CHRM5: variants seen among roughly 807,000 people sequenced by gnomAD.
CHRM5 encodes cholinergic receptor muscarinic 5.
A neutral mutation model predicts 39.0 loss-of-function variants in CHRM5; 18 were observed. The observed-to-expected ratio is 0.46, with a 90% CI of 0.32 to 0.68. CHRM5 has a LOEUF of 0.68. Ranked by LOEUF, CHRM5 falls within the 30% of genes least tolerant of loss-of-function variation. CHRM5 has a pLI of 0.04. For missense variants in CHRM5, 515 were observed against 651.1 expected, an observed-to-expected ratio of 0.79 and a Z score of 2.28; for synonymous variants, 241 against 246.3, an observed-to-expected ratio of 0.98 and a Z score of 0.20.
chr15:34,020,244 G>C (rs1898145177), intron 1 of CHRM5, among the ~76,000 whole-genome samples: 1 of 151,986 alleles, frequency 6.6e-6, no homozygotes, highest in Non-Finnish European at 1.5e-5. Flanking sequence ...CAGGGAGGCG[G>C]AGCTTGCAGT....
intron 1 of CHRM5, among the ~76,000 whole-genome samples, chr15:34,045,728 G>A (rs1899658324): frequency 2.4e-5 from 1 of 42,052 alleles, no homozygotes. Flanking sequence ...TTCAGAAAAC[G>A]AAGGCCTAAC....
In CHRM5 at chr15:34,039,201, C is replaced by G. The variant is rs571818226; in HGVS notation, c.-407-7339C>G. 33 of 615,302 alleles carry G rather than the reference C, an allele frequency of 5.4e-5. No homozygotes were observed. The South Asian group carries it at 2.1e-3, about 39-fold the overall frequency. The allele number at this position is 615,302 out of a possible 1,614,324, so 38.1% of individuals were successfully genotyped here. A position where few individuals can be genotyped will look rare whatever the true frequency, so the allele number is the denominator to read the frequency against. On this transcript the variant is annotated intron_variant, in intron 1 of 2. Coordinates refer to ENST00000383263, the MANE Select transcript of CHRM5 (RefSeq NM_012125.4). ...CGGGGCTAGGGATCGAGGCCGGCCG[C>G]AGCGGAGCGGGGCGGGGCGGGGCGG...
rs1446334582 is a variant in CHRM5, at chr15:34,067,099, A to C, written c.*2783A>C. The C allele has an allele frequency of 6.6e-6, 1 of 152,170 alleles. No individual in the cohort carries two copies. Among genetic ancestry groups the C allele is most frequent in the East Asian group, 1.9e-4 (1 of 5,188 alleles). The allele number at this position is 152,170 out of a possible 1,614,324, so 9.4% of individuals were successfully genotyped here. ...AGTCTTCCAGGCTTTGTCTATAGTA[A>C]ACCATGTATGACTTTGGCTAGTTAC... On this transcript the variant is annotated 3_prime_UTR_variant, in exon 3 of 3. Coordinates refer to ENST00000383263, the MANE Select transcript of CHRM5 (RefSeq NM_012125.4).
At chr15:34,059,024 G>A (rs1900250196) in intron 2 of CHRM5, among the ~76,000 whole-genome samples, 1 of 152,114 alleles carries the variant, frequency 6.6e-6, no homozygotes, top group Admixed American at 6.5e-5. Flanking sequence ...AACCTCCCAA[G>A]TAGCTAAGAT....
chr15:34,062,733 T>C lies in CHRM5; in HGVS notation c.16T>C (p.Tyr6His), dbSNP rs778712394. MEGDS[Y>H]HNATTVNGTP... The stretch of plus-strand genomic sequence containing the variant: ...TTGCACCAGGATGGAAGGGGATTCT[T>C]ACCACAATGCAACCACCGTCAATGG... Residue 6 changes from tyrosine (Y) to histidine (H), a missense_variant, in exon 3 of 3, where the codon TAC (tyrosine) becomes CAC (histidine). Transcript: ENST00000383263. The C allele has an allele frequency of 2.6e-5, 42 of 1,610,776 alleles. No individual in the cohort carries two copies. The highest frequency in any genetic ancestry group is 3.4e-5 in the Non-Finnish European group (40 of 1,177,900).
At chr15:34,040,144 C>G (rs964089218) in intron 1 of CHRM5, among the ~76,000 whole-genome samples, 1 of 152,018 alleles carries the variant, frequency 6.6e-6, no homozygotes, top group Non-Finnish European at 1.5e-5. Flanking sequence ...AGGCACAGTG[C>G]TATGTCCTGA....
intron 1 of CHRM5, among the ~76,000 whole-genome samples, chr15:34,017,974 T>C (rs974313449): frequency 4.6e-5 from 7 of 152,306 alleles, no homozygotes; most frequent in African/African-American, 1.7e-4. Context: ...ACAAACCTAC[T>C]ACATTACCAG....
At chr15:33,984,571 T>G (rs1351031246) in intron 1 of CHRM5, among the ~76,000 whole-genome samples, 1 of 152,022 alleles carries the variant, frequency 6.6e-6, no homozygotes, top group Non-Finnish European at 1.5e-5. Context: ...CCCGGCTAAT[T>G]TTGTATTTTC....
chr15:34,057,132 G>GT (rs1305095006), intron 2 of CHRM5, among the ~76,000 whole-genome samples: 2,405 of 145,342 alleles, frequency 0.017, 86 homozygotes, highest in African/African-American at 0.056. Context: ...AAGAGTTTTG[G>GT]TTTTTTTTGG....
chr15:34,063,132 C>T lies in CHRM5; in HGVS notation c.415C>T (p.Arg139Trp), dbSNP rs1288575176. ...YFSITRPLTY[R>W]AKRTPKRAGI... ...TTCCATCACAAGACCCTTGACATATCGGGCCAAGCGTACTCCGAAAAGGGC... is the reference window on the plus strand; with the variant it reads ...TTCCATCACAAGACCCTTGACATATTGGGCCAAGCGTACTCCGAAAAGGGC... The change falls in exon 3 of 3, where the codon CGG becomes TGG. Residue 139 changes from arginine (R) to tryptophan (W), a missense_variant. Arg to Trp is a moderately radical substitution (Grantham distance 101). Coordinates refer to ENST00000383263, the MANE Select transcript of CHRM5 (RefSeq NM_012125.4). The surrounding 1 kb of genome is among the most constrained non-coding windows in gnomAD (Gnocchi z 4.1). 14 of 1,614,166 alleles carry T rather than the reference C, an allele frequency of 8.7e-6. No homozygotes were observed. The highest frequency in any genetic ancestry group is 1.1e-5 in the Non-Finnish European group (13 of 1,180,022).
Position 34,031,077 on chromosome 15 carries a change from A to G in CHRM5, c.-407-15463A>G, listed in dbSNP as rs200196829. Among the ~76,000 whole-genome samples, 16 of 151,970 alleles carry G rather than the reference A, an allele frequency of 1.1e-4. No homozygotes were observed. The East Asian group carries it at 2.9e-3, about 28-fold the overall frequency. On this transcript the variant is annotated intron_variant, in intron 1 of 2. Transcript: ENST00000383263. ...TTGACACAGTTAAATACAAAAATAG[A>G]GGAATCACAACACTGATAATAAGCC...
intron 1 of CHRM5, among the ~76,000 whole-genome samples, chr15:34,002,091 T>C (rs1897158449): frequency 6.6e-6 from 1 of 152,216 alleles, no homozygotes; most frequent in Admixed American, 6.5e-5. Context: ...GATAACATTT[T>C]GCAAAACCAT....
chr15:34,013,605 T>A (rs940789273), intron 1 of CHRM5, among the ~76,000 whole-genome samples: 4 of 152,150 alleles, frequency 2.6e-5, no homozygotes, highest in African/African-American at 4.8e-5. Context: ...CAAAGACCAA[T>A]AAGCCAAGGG....
chr15:34,062,682 A>G lies in CHRM5; in HGVS notation c.-36A>G, dbSNP rs1202615853. ...GAGCTGAAATAGAAAACAGCCTAGA[A>G]CCTAACACTATTTACTGTAAAATTT... On this transcript the variant is annotated 5_prime_UTR_variant, in exon 3 of 3. Transcript: ENST00000383263. The G allele has an allele frequency of 6.3e-7, 1 of 1,575,364 alleles. No homozygotes were observed. The highest frequency in any genetic ancestry group is 1.7e-5 in the Admixed American group (1 of 57,512).
intron 1 of CHRM5, among the ~76,000 whole-genome samples, chr15:34,011,851 A>G (rs148374343): frequency 1.3e-5 from 2 of 152,318 alleles, no homozygotes; most frequent in East Asian, 3.9e-4. Context: ...GGATTTCTCA[A>G]AGTCAAGACC....
At chr15:33,983,188 G>A (rs1161053452) in intron 1 of CHRM5, among the ~76,000 whole-genome samples, 1,259 of 93,594 alleles carry the variant, frequency 0.013, 27 homozygotes, top group African/African-American at 0.049. Context: ...ACACACGTGT[G>A]TGTATGTGTG....
intron 1 of CHRM5, among the ~76,000 whole-genome samples, chr15:33,996,823 C>T (rs1354340917): frequency 2.0e-5 from 3 of 152,222 alleles, no homozygotes; most frequent in Admixed American, 2.0e-4. Context: ...CAGCTCCTCG[C>T]TAGCAAGAGA....
intron 1 of CHRM5, among the ~76,000 whole-genome samples, chr15:33,970,445 T>C (rs1895585989): frequency 6.6e-6 from 1 of 151,970 alleles, no homozygotes; most frequent in South Asian, 2.1e-4. Flanking sequence ...AAAAAATGTT[T>C]ATTTAGAAAT....
At chr15:34,041,937 A>C (rs554834758) in intron 1 of CHRM5, among the ~76,000 whole-genome samples, 1 of 152,292 alleles carries the variant, frequency 6.6e-6, no homozygotes, top group South Asian at 2.1e-4. Context: ...GTTACTCTCC[A>C]TCTGTTCATT....
Sources: gnomAD v4.1 joint callset for allele counts (sites outside exome capture counted in the v4.1 genomes callset) on GRCh38, gnomAD v4.1.1 for gene constraint, Gnocchi (gnomAD v3.1) non-coding constraint, MANE v1.5 for transcripts, NCBI Gene and HGNC (gene_info 2026-07-23, HGNC 2026-07-21) for gene names.